The following FBXL17 variants were observed in gnomAD, a reference collection of about 807,000 sequenced individuals.
FBXL17 encodes the protein F-box/LRR-repeat protein 17.
FBXL17 carries 22 observed loss-of-function variants against 66.2 expected under a neutral mutation model. The observed-to-expected ratio is 0.33, with a 90% confidence interval of 0.24 to 0.47. The LOEUF (loss-of-function observed/expected upper bound fraction) is 0.47, where lower values mean the gene tolerates loss of function less well. Among genes scored for constraint, FBXL17 ranks in the 20% least tolerant of loss-of-function variants. The probability of loss-of-function intolerance (pLI) is 1.00; values close to 1 mark genes in which losing one functional copy is unlikely to be tolerated. For synonymous variants in FBXL17, 474 were observed against 400.5 expected (o/e 1.18, Z -2.19); for missense variants, 878 against 948.2 (o/e 0.93, Z 0.97).
chr5:107,989,940 G>C (rs1010482359), intron 7 of FBXL17, among the ~76,000 whole-genome samples: 1 of 152,110 alleles, frequency 6.6e-6, no homozygotes, highest in Admixed American at 6.6e-5. Flanking sequence ...CCACTGCTGG[G>C]CTCTAGAAGA....
intron 6 of FBXL17, among the ~76,000 whole-genome samples, chr5:108,144,918 A>G (rs972286801): frequency 7.9e-5 from 12 of 152,180 alleles, no homozygotes; most frequent in Non-Finnish European, 1.5e-4. Context: ...CAGACTGATA[A>G]TTTTGCTAAC....
Position 107,871,069 on chromosome 5 carries a change from A to AAAAAAAAAAAAAAAAAAAAAAAAAAAAC in FBXL17, c.1966-9210_1966-9209insGTTTTTTTTTTTTTTTTTTTTTTTTTTT, listed in dbSNP as rs1456052737. ...TACTCTTGGGCGGCAAAAAAAAAAA[A>AAAAAAAAAAAAAAAAAAAAAAAAAAAAC]AAAAAAAAAACCTCATCTAAAAATC... is the stretch of plus-strand genomic sequence containing the variant. On this transcript the variant is annotated intron_variant, in intron 8 of 8. Transcript: ENST00000542267. Among the ~76,000 whole-genome samples, 6 of 130,216 alleles carry AAAAAAAAAAAAAAAAAAAAAAAAAAAAC rather than the reference A, an allele frequency of 4.6e-5. 1 individual carries two copies. Among genetic ancestry groups the AAAAAAAAAAAAAAAAAAAAAAAAAAAAC allele is most frequent in the Admixed American group, 1.5e-4 (2 of 13,474 alleles). The allele number at this position is 130,216 out of a possible 152,430, so 85.4% of individuals were successfully genotyped here.
At chr5:108,240,726 G>A (rs950630685) in intron 4 of FBXL17, among the ~76,000 whole-genome samples, 2 of 152,182 alleles carry the variant, frequency 1.3e-5, no homozygotes, top group Non-Finnish European at 2.9e-5. Context: ...GCAGTAGCCA[G>A]ACAGTGATTA....
At chr5:108,032,428 T>G (rs1580351665) in intron 6 of FBXL17, among the ~76,000 whole-genome samples, 1 of 152,068 alleles carries the variant, frequency 6.6e-6, no homozygotes, top group Admixed American at 6.6e-5. Flanking sequence ...CCAATAAATG[T>G]TACCTTCCAT....
intron 4 of FBXL17, among the ~76,000 whole-genome samples, chr5:108,250,384 C>T (rs1043791124): frequency 1.3e-5 from 2 of 152,092 alleles, no homozygotes; most frequent in Non-Finnish European, 2.9e-5. Flanking sequence ...CATTAATGTT[C>T]TGACCTTTAC....
At chr5:108,058,788 A>G (rs1276642478) in intron 6 of FBXL17, among the ~76,000 whole-genome samples, 4 of 152,228 alleles carry the variant, frequency 2.6e-5, no homozygotes, top group Non-Finnish European at 5.9e-5. Flanking sequence ...CTGAATTCAT[A>G]GCCCAATGCC....
At chr5:108,341,763 C>T (rs1354170706) in intron 4 of FBXL17, among the ~76,000 whole-genome samples, 1 of 152,100 alleles carries the variant, frequency 6.6e-6, no homozygotes, top group Non-Finnish European at 1.5e-5. Context: ...CCTAGTGGCA[C>T]TGTAACACTC....
intron 3 of FBXL17, among the ~76,000 whole-genome samples, chr5:108,355,428 G>A (rs946697654): frequency 4.6e-5 from 7 of 151,694 alleles, no homozygotes; most frequent in South Asian, 4.2e-4. Flanking sequence ...AATTACAGCC[G>A]TGCGCCACCA....
rs1159342800 is a variant in FBXL17 at position 107,860,476 on chromosome 5, CA to C, written c.*1243del. On this transcript the variant is annotated 3_prime_UTR_variant, in exon 9 of 9. Coordinates refer to ENST00000542267, the MANE Select transcript of FBXL17 (RefSeq NM_001163315.3). ...GATGTGTTAAATCAAAACATATATT[CA>C]TTTACTGATAGGTCTTGTCTTAACT... 6.6e-6 allele frequency: 1 copy of C among 152,596 alleles called. No individual in the cohort carries two copies. The highest frequency in any genetic ancestry group is 1.5e-5 in the Non-Finnish European group (1 of 68,018). 9.5% of individuals were successfully genotyped at this position (152,596 alleles called of 1,614,324 possible). A position where few individuals can be genotyped will look rare whatever the true frequency, so the allele number is the denominator to read the frequency against.
At chr5:108,335,639 T>C (rs113006929) in intron 4 of FBXL17, among the ~76,000 whole-genome samples, 14 of 152,186 alleles carry the variant, frequency 9.2e-5, no homozygotes, top group African/African-American at 3.4e-4. Context: ...ACTAGGCAAA[T>C]GCACACACTA....
intron 7 of FBXL17, among the ~76,000 whole-genome samples, chr5:107,955,856 A>T (rs1043141373): frequency 6.6e-6 from 1 of 152,192 alleles, no homozygotes; most frequent in South Asian, 2.1e-4. Context: ...AAAAGTGTCA[A>T]GAGAAAGGTT....
chr5:108,271,426 T>A (rs549439765), intron 4 of FBXL17, among the ~76,000 whole-genome samples: 3 of 152,150 alleles, frequency 2.0e-5, no homozygotes, highest in Non-Finnish European at 4.4e-5. Flanking sequence ...AGATAGCTGG[T>A]GAATTCCTGA....
intron 7 of FBXL17, among the ~76,000 whole-genome samples, chr5:107,995,874 C>T (rs1183277685): frequency 6.6e-6 from 1 of 152,038 alleles, no homozygotes; most frequent in Admixed American, 6.5e-5. Flanking sequence ...TGGAAAAATA[C>T]AGTCATGGAA....
chr5:108,222,169 T>C (rs530279617), intron 5 of FBXL17, among the ~76,000 whole-genome samples: 1 of 152,372 alleles, frequency 6.6e-6, no homozygotes, highest in South Asian at 2.1e-4. Flanking sequence ...ATCTTTTAAG[T>C]ACCAGTGTAC....
intron 7 of FBXL17, among the ~76,000 whole-genome samples, chr5:107,946,284 T>G (rs1333827060): frequency 1.1e-5 from 1 of 89,846 alleles, no homozygotes; most frequent in Non-Finnish European, 2.3e-5. Flanking sequence ...TATATATATA[T>G]ATATATATAT....
intron 7 of FBXL17, among the ~76,000 whole-genome samples, chr5:107,966,671 T>G (rs186084846): frequency 2.6e-4 from 39 of 152,226 alleles, no homozygotes; most frequent in African/African-American, 9.1e-4. Flanking sequence ...TTTACAAAAT[T>G]TGTGTGGTAA....
chr5:108,373,669 CTTTTGGGAGGCTG>C (rs1749215776), intron 1 of FBXL17, among the ~76,000 whole-genome samples: 1 of 152,090 alleles, frequency 6.6e-6, no homozygotes, highest in Admixed American at 6.6e-5. Flanking sequence ...AATCCCAGCA[CTTTTGGGAGGCTG>C]TGTTGAGTGG....
chr5:107,952,247 GA>G, intron 7 of FBXL17, among the ~76,000 whole-genome samples: 1 of 152,224 alleles, frequency 6.6e-6, no homozygotes, highest in African/African-American at 2.4e-5. Context: ...CTTCTGTAAT[GA>G]TCCTTCTATG....
At chr5:108,303,129 C>T (rs1439629334) in intron 4 of FBXL17, among the ~76,000 whole-genome samples, 1 of 151,638 alleles carries the variant, frequency 6.6e-6, no homozygotes, top group Non-Finnish European at 1.5e-5. Context: ...AATCATAAGA[C>T]TTGTATATAT....
Sources: gnomAD v4.1 joint callset for allele counts (sites outside exome capture counted in the v4.1 genomes callset) on GRCh38, gnomAD v4.1.1 for gene constraint, MANE v1.5 for transcripts, NCBI Gene and HGNC (gene_info 2026-07-23, HGNC 2026-07-21) for gene names.